TANC2: variants seen among roughly 807,000 people sequenced by gnomAD.
The protein encoded by TANC2 is protein TANC2.
Under a neutral mutation model 210.5 loss-of-function variants are expected in TANC2, and 26 were observed. The ratio of observed to expected loss-of-function variants is 0.12; its 90% CI spans 0.09 to 0.17. The LOEUF is 0.17. TANC2 is among the 10% of genes least tolerant of loss of function. The pLI, the probability that TANC2 is intolerant of heterozygous loss-of-function variation, is 1.00. For missense variants in TANC2, 2,129 were observed against 2,608.9 expected (o/e 0.82, Z 4.01); for synonymous variants, 931 against 967.1 (o/e 0.96, Z 0.69).
At chr17:63,425,939 C>T (rs959390898) in exon 28 of TANC2, 1 of 152,206 alleles carries the variant, frequency 6.6e-6, no homozygotes. Flanking sequence ...TGGTTTGATT[C>T]AGAGAGAGTT....
intron 11 of TANC2, among the ~76,000 whole-genome samples, chr17:63,326,324 A>T (rs1056831755): frequency 9.2e-5 from 14 of 152,190 alleles, no homozygotes; most frequent in African/African-American, 3.1e-4. Flanking sequence ...CAACTAAATA[A>T]CCATATAGAT....
intron 4 of TANC2, among the ~76,000 whole-genome samples, chr17:63,120,342 A>G (rs938007311): frequency 6.6e-6 from 1 of 152,140 alleles, no homozygotes; most frequent in African/African-American, 2.4e-5. Flanking sequence ...GTGAATCTGT[A>G]TGTATGTTAG....
chr17:63,202,786 T>C (rs1367035525), intron 7 of TANC2, among the ~76,000 whole-genome samples: 3 of 152,160 alleles, frequency 2.0e-5, no homozygotes, highest in Non-Finnish European at 4.4e-5. Flanking sequence ...CTCAATCCCA[T>C]TTCATTGCAG....
intron 1 of TANC2, among the ~76,000 whole-genome samples, chr17:63,006,177 G>C (rs922349119): frequency 2.0e-5 from 3 of 151,866 alleles, no homozygotes; most frequent in African/African-American, 4.8e-5. Context: ...TCCTCAATCA[G>C]CCTTGGTTTA....
At chr17:63,411,585 G>A (rs1230917443) in exon 22 of TANC2, 2 of 1,613,888 alleles carry the variant, frequency 1.2e-6, no homozygotes, top group East Asian at 2.2e-5. Flanking sequence ...CCATCTCTCA[G>A]TAGTACGTTC....
chr17:63,292,735 T>C (rs2044419581), intron 9 of TANC2, among the ~76,000 whole-genome samples: 1 of 152,226 alleles, frequency 6.6e-6, no homozygotes, highest in East Asian at 1.9e-4. Context: ...CTCTGTTGGC[T>C]TGATGATATG....
chr17:63,160,039 A>C (rs952860860), intron 5 of TANC2, among the ~76,000 whole-genome samples: 2 of 152,222 alleles, frequency 1.3e-5, no homozygotes, highest in Admixed American at 1.3e-4. Context: ...TCCTCTGTGC[A>C]TGCATGTCAG....
intron 9 of TANC2, among the ~76,000 whole-genome samples, chr17:63,289,021 T>C (rs1198520722): frequency 6.6e-6 from 1 of 152,142 alleles, no homozygotes; most frequent in Non-Finnish European, 1.5e-5. Context: ...TCCCCTCTCT[T>C]CTTGCTTGCT....
intron 5 of TANC2, among the ~76,000 whole-genome samples, chr17:63,192,813 TA>T (rs1423130594): frequency 6.6e-6 from 1 of 152,246 alleles, no homozygotes; most frequent in African/African-American, 2.4e-5. Context: ...TATGTAAGTA[TA>T]TGCTAAATAA....
intron 9 of TANC2, among the ~76,000 whole-genome samples, chr17:63,300,885 GC>G (rs1315959836): frequency 6.6e-6 from 1 of 152,138 alleles, no homozygotes; most frequent in Non-Finnish European, 1.5e-5. Context: ...TCCAGCTTTT[GC>G]CCATTCAGTA....
At position 63,205,372 on chromosome 17, in the gene TANC2, A is replaced by AAAAAC. The variant is rs1472135033; in HGVS notation, c.769+4415_769+4416insAAAAC. On this transcript the variant is annotated intron_variant, in intron 7 of 27. Coordinates refer to ENST00000689528, the Ensembl canonical transcript of TANC2. ...AAAAAAAAAAAAAAAAAAAAAAAAAACCTCATACACCGAAAACTACAAAAC... is the reference window on the plus strand; with the variant it reads ...AAAAAAAAAAAAAAAAAAAAAAAAAAAAAACCCTCATACACCGAAAACTACAAAAC... Among the ~76,000 whole-genome samples the AAAAAC allele has an allele frequency of 3.4e-4, 45 of 131,850 alleles. 6 individuals carry two copies. Among genetic ancestry groups the AAAAAC allele is most frequent in the African/African-American group, 9.6e-4 (31 of 32,128 alleles). 86.5% of individuals were successfully genotyped at this position (131,850 alleles called of 152,430 possible).
At chr17:63,098,144 GTTAA>G (rs1003771769) in intron 3 of TANC2, among the ~76,000 whole-genome samples, 2 of 151,860 alleles carry the variant, frequency 1.3e-5, no homozygotes, top group Non-Finnish European at 1.5e-5. Flanking sequence ...CTCTGTTATT[GTTAA>G]TTAAGGGCTA....
intron 4 of TANC2, among the ~76,000 whole-genome samples, chr17:63,100,606 C>T (rs767006207): frequency 2.6e-4 from 39 of 152,142 alleles, no homozygotes; most frequent in Admixed American, 5.9e-4. Context: ...TTATTGATTA[C>T]TAAAAATATA....
rs1412032131 is a variant in TANC2, at chr17:63,413,574, G to A, written c.3960G>A (p.Lys1320=). Residue 1320 remains lysine, a synonymous_variant, in exon 25 of 28, where the codon AAG becomes AAA. Coordinates refer to ENST00000689528, the Ensembl canonical transcript of TANC2. ...CCACATGGGCGATGGCCACCTCCAAGCCAGACATCATGATCATCCTGTTGA... is the reference window on the plus strand; with the variant it reads ...CCACATGGGCGATGGCCACCTCCAAACCAGACATCATGATCATCCTGTTGA... The A allele has an allele frequency of 3.1e-6, 5 of 1,601,486 alleles. No homozygotes were observed. The African/African-American group carries it at 6.7e-5, about 21-fold the overall frequency.
chr17:63,419,824 T>A (rs569887989), intron 27 of TANC2, among the ~76,000 whole-genome samples, 175 bp from the exon 28 acceptor site: 1 of 152,320 alleles, frequency 6.6e-6, no homozygotes, highest in African/African-American at 2.4e-5. Context: ...TCATTCGGAC[T>A]CTTCCAGAAT....
intron 9 of TANC2, among the ~76,000 whole-genome samples, chr17:63,299,174 G>A (rs939778377): frequency 5.3e-5 from 8 of 152,156 alleles, no homozygotes; most frequent in Middle Eastern, 3.4e-3. Flanking sequence ...GTCTATCATT[G>A]ATGGGCATTT....
intron 5 of TANC2, chr17:63,182,939 A>G (rs2040840713): frequency 6.6e-6 from 1 of 152,314 alleles, no homozygotes. Context: ...ATTAAGGAAC[A>G]TTTCTTTGAA....
At chr17:63,074,942 T>C (rs1161133596) in intron 3 of TANC2, among the ~76,000 whole-genome samples, 1 of 152,204 alleles carries the variant, frequency 6.6e-6, no homozygotes, top group East Asian at 1.9e-4. Flanking sequence ...CAGATTTATT[T>C]ATTCTATAAT....
intron 8 of TANC2, among the ~76,000 whole-genome samples, chr17:63,263,784 T>C (rs959124454): frequency 2.0e-5 from 3 of 152,158 alleles, no homozygotes; most frequent in Non-Finnish European, 4.4e-5. Flanking sequence ...GAGCACCTAT[T>C]TTATGCCAGG....
Sources: gnomAD v4.1 joint callset for allele counts (sites outside exome capture counted in the v4.1 genomes callset) on GRCh38, gnomAD v4.1.1 for gene constraint, MANE v1.5 for transcripts, NCBI Gene and HGNC (gene_info 2026-07-23, HGNC 2026-07-21) for gene names.